Variants in LRP5 observed in about 807,000 individuals in gnomAD.
LRP5 encodes the protein LDL receptor related protein 5, also known as low-density lipoprotein receptor-related protein 5.
A neutral mutation model predicts 154.1 loss-of-function variants in LRP5; 62 were observed. The observed-to-expected ratio is 0.40, with a 90% confidence interval of 0.33 to 0.50. The LOEUF is 0.50. LRP5 is among the 20% of genes least tolerant of loss of function. LRP5 has a pLI of 0.55. For synonymous variants in LRP5, 966 were observed against 1,011.5 expected (o/e 0.96, Z 0.85); for missense variants, 1,915 against 2,336.7 (o/e 0.82, Z 3.72).
At chr11:68,432,150 T>TG (rs2098672297) in intron 17 of LRP5, among the ~76,000 whole-genome samples, 2 of 152,212 alleles carry the variant, frequency 1.3e-5, no homozygotes, top group Admixed American at 1.3e-4. Context: ...CTGGCCCCAG[T>TG]GTCCCAGTTA....
At chr11:68,332,220 A>G (rs2098603249) in intron 1 of LRP5, among the ~76,000 whole-genome samples, 1 of 152,228 alleles carries the variant, frequency 6.6e-6, no homozygotes, top group African/African-American at 2.4e-5. Context: ...CCCAACAGTC[A>G]TATGCCAACC....
At chr11:68,414,876 G>A (rs2098661632) in intron 12 of LRP5, among the ~76,000 whole-genome samples, 1 of 152,150 alleles carries the variant, frequency 6.6e-6, no homozygotes, top group African/African-American at 2.4e-5. Flanking sequence ...CCAGAGTCTG[G>A]GACTTCCCAT....
intron 3 of LRP5, 70 bp downstream of exon 3, chr11:68,357,917 T>A (rs542014155): frequency 1.4e-4 from 194 of 1,413,602 alleles, no homozygotes; most frequent in Non-Finnish European, 1.8e-4. Context: ...GCGTTCCTTC[T>A]TAACTCAGGC....
chr11:68,302,635 G>A, the LRP5 span, among the ~76,000 whole-genome samples: 1 of 152,356 alleles, frequency 6.6e-6, no homozygotes, highest in African/African-American at 2.4e-5. Context: ...GCGGGAAGGA[G>A]AGAGAGGCTT....
In LRP5 at chr11:68,423,404, G is replaced by C; in HGVS notation, c.3028-85G>C. On this transcript the variant is annotated intron_variant, in intron 13 of 22. Coordinates refer to ENST00000294304, the MANE Select transcript of LRP5 (RefSeq NM_002335.4). The surrounding 1 kb of genome is among the most constrained non-coding windows in gnomAD (Gnocchi z 4.7). Reference sequence around the variant, plus strand: ...GCCCGGGGGTCTCCACCAGTGCCCGGGGGTCTCCGCCAGTGCCAGGGGTCT... The same window carrying C: ...GCCCGGGGGTCTCCACCAGTGCCCGCGGGTCTCCGCCAGTGCCAGGGGTCT... 1 of 1,303,268 alleles carries C rather than the reference G, an allele frequency of 7.7e-7. No individual in the cohort carries two copies. Among genetic ancestry groups the C allele is most frequent in the Non-Finnish European group, 1.1e-6 (1 of 898,510 alleles). 80.7% of individuals were successfully genotyped at this position (1,303,268 alleles called of 1,614,324 possible). A position where few individuals can be genotyped will look rare whatever the true frequency, so the allele number is the denominator to read the frequency against.
At chr11:68,317,372 G>A (rs1324325667) in intron 1 of LRP5, among the ~76,000 whole-genome samples, 4 of 152,264 alleles carry the variant, frequency 2.6e-5, no homozygotes, top group African/African-American at 4.8e-5. Context: ...AGTACCCCGA[G>A]GGTGTGACTG....
At chr11:68,356,625 C>T (rs1302180004) in intron 2 of LRP5, among the ~76,000 whole-genome samples, 1 of 152,194 alleles carries the variant, frequency 6.6e-6, no homozygotes, top group Non-Finnish European at 1.5e-5. Flanking sequence ...GACGCACCAT[C>T]ACCCAAAATC....
chr11:68,377,262 C>G (rs2098637892), intron 5 of LRP5, among the ~76,000 whole-genome samples: 1 of 152,150 alleles, frequency 6.6e-6, no homozygotes, highest in Non-Finnish European at 1.5e-5. Context: ...GAGGCCGGCA[C>G]TGACTTGGTC....
intron 1 of LRP5, among the ~76,000 whole-genome samples, chr11:68,321,820 G>T (rs1480616285): frequency 6.6e-6 from 1 of 152,166 alleles, no homozygotes; most frequent in African/African-American, 2.4e-5. Flanking sequence ...GTTCAGATGG[G>T]GAGGCGGTAC....
intron 21 of LRP5, among the ~76,000 whole-genome samples, chr11:68,442,665 G>A (rs2098678797): frequency 6.6e-6 from 1 of 152,198 alleles, no homozygotes. Context: ...TATAAAAGCT[G>A]CTGTTCTGAG....
rs1246734917 is a variant in LRP5 at position 68,386,491 on chromosome 11, C to T, written c.1191C>T (p.Ile397=). 3 of 1,614,014 alleles carry T rather than the reference C, an allele frequency of 1.9e-6. No homozygotes were observed. The highest frequency in any genetic ancestry group is 2.2e-5 in the South Asian group (2 of 91,086). Residue 397 remains isoleucine, a synonymous_variant, in exon 6 of 23, where the codon ATC becomes ATT. Coordinates refer to ENST00000294304, the MANE Select transcript of LRP5 (RefSeq NM_002335.4). This position sits in a 1 kb window ranked among gnomAD's most constrained non-coding sequence, Gnocchi z 7.9. ...VYWTDDEVRA[I]RRAYLDGSGA... ...GGACAGATGACGAGGTGCGGGCCAT[C>T]CGCAGGGCGTACCTGGACGGGTCTG... is the stretch of plus-strand genomic sequence containing the variant.
chr11:68,326,223 C>T lies in LRP5; in HGVS notation c.91+13418C>T, dbSNP rs375490632. 3.3e-5 allele frequency among the ~76,000 whole-genome samples: 5 copies of T among 152,142 alleles called. No homozygotes were observed. In the South Asian group the frequency reaches 8.3e-4, roughly 25 times the overall value. On this transcript the variant is annotated intron_variant, in intron 1 of 22. Coordinates refer to ENST00000294304, the MANE Select transcript of LRP5 (RefSeq NM_002335.4). ...CTTCGGGTGCGCCTCCCCTGGGGGC[C>T]TCTGCTTTGTCAGAAGTATGGCAGG...
intron 12 of LRP5, among the ~76,000 whole-genome samples, chr11:68,415,404 G>A (rs2098661990): frequency 6.6e-6 from 1 of 152,180 alleles, no homozygotes; most frequent in South Asian, 2.1e-4. Context: ...CACCACCAGT[G>A]TTCACTACCA....
intron 3 of LRP5, among the ~76,000 whole-genome samples, chr11:68,360,796 G>C (rs550884356): frequency 1.2e-4 from 18 of 152,004 alleles, no homozygotes; most frequent in African/African-American, 4.3e-4. Context: ...AGGAGATCGA[G>C]ACCATCCTGG....
chr11:68,328,914 G>A (rs1349102879), intron 1 of LRP5, among the ~76,000 whole-genome samples: 1 of 152,228 alleles, frequency 6.6e-6, no homozygotes, highest in Non-Finnish European at 1.5e-5. Flanking sequence ...GGGTCCAGTG[G>A]GGCACAGACC....
chr11:68,417,073 C>A (rs2098662993), intron 13 of LRP5, among the ~76,000 whole-genome samples: 1 of 152,202 alleles, frequency 6.6e-6, no homozygotes, highest in African/African-American at 2.4e-5. Flanking sequence ...AGCTATATCC[C>A]ACAATACTGT....
At chr11:68,439,949 G>A in intron 21 of LRP5, 33 bp downstream of exon 21, 7 of 597,756 alleles carry the variant, frequency 1.2e-5, no homozygotes, top group Non-Finnish European at 1.7e-5. Flanking sequence ...GGCGGGGCGG[G>A]ATGGGGCTGT....
In LRP5 at chr11:68,447,470, G is replaced by T. The variant is rs182526950; in HGVS notation, c.4586+937G>T. On this transcript the variant is annotated intron_variant, in intron 22 of 22. Coordinates refer to ENST00000294304, the MANE Select transcript of LRP5 (RefSeq NM_002335.4). This position sits in a 1 kb window ranked among gnomAD's most constrained non-coding sequence, Gnocchi z 4.3. Reference sequence around the variant, plus strand: ...GCAGCCTCCATTTCCACCCCACTCCGGGTCGGGCCACCTCCCTGATGCCTC... The same window carrying T: ...GCAGCCTCCATTTCCACCCCACTCCTGGTCGGGCCACCTCCCTGATGCCTC... 1.3e-5 allele frequency among the ~76,000 whole-genome samples: 2 copies of T among 152,082 alleles called. No homozygotes were observed. The highest frequency in any genetic ancestry group is 4.1e-4 in the South Asian group (2 of 4,822).
chr11:68,443,143 T>C (rs1042952159), intron 21 of LRP5, among the ~76,000 whole-genome samples: 2 of 152,112 alleles, frequency 1.3e-5, no homozygotes, highest in African/African-American at 4.8e-5. Flanking sequence ...GTAAAAATGG[T>C]ATCATGTTAA....
Sources: gnomAD v4.1 joint callset for allele counts (sites outside exome capture counted in the v4.1 genomes callset) on GRCh38, gnomAD v4.1.1 for gene constraint, Gnocchi (gnomAD v3.1) non-coding constraint, MANE v1.5 for transcripts, NCBI Gene and HGNC (gene_info 2026-07-23, HGNC 2026-07-21) for gene names.